NCOA6: variants seen among roughly 807,000 people sequenced by gnomAD.
NCOA6 encodes NRC RAP250.
In NCOA6, 49 loss-of-function variants were observed where a neutral mutation model predicts 171.4. The observed-to-expected ratio is 0.29, with a 90% confidence interval of 0.23 to 0.36. NCOA6 has a LOEUF of 0.36. NCOA6 is among the 10% of genes least tolerant of loss of function. The probability of loss-of-function intolerance (pLI) is 1.00; values close to 1 mark genes in which losing one functional copy is unlikely to be tolerated. For synonymous variants in NCOA6, 910 were observed against 927.5 expected (o/e 0.98, Z 0.34); for missense variants, 2,248 against 2,554.5 (o/e 0.88, Z 2.59).
At chr20:34,768,156 G>A (rs2077036104) in intron 5 of NCOA6, among the ~76,000 whole-genome samples, 1 of 152,122 alleles carries the variant, frequency 6.6e-6, no homozygotes, top group African/African-American at 2.4e-5. Flanking sequence ...AAAATAATGA[G>A]GGTAGAAAAT....
chr20:34,765,822 T>C lies in NCOA6; in HGVS notation c.514+2642A>G, dbSNP rs141519335. Reference sequence around the variant, plus strand: ...AACTTGAATTAAATGACTACTATAGTATCCCCACAAATCTTGGAATTCTAT... The same window carrying C: ...AACTTGAATTAAATGACTACTATAGCATCCCCACAAATCTTGGAATTCTAT... On this transcript the variant is annotated intron_variant, in intron 5 of 14. Transcript: ENST00000359003. Among the ~76,000 whole-genome samples, 3 of 152,248 alleles carry C rather than the reference T, an allele frequency of 2.0e-5. No homozygotes were observed. In the East Asian group the frequency reaches 5.8e-4, roughly 29 times the overall value.
Position 34,740,391 on chromosome 20 carries a change from TC to T in NCOA6, c.5864del (p.Gly1955AspfsTer10). ...TGCTGGGTAGAAGTTCTGGATGGGA[TC>T]CCACCTTCTCCTCCACTAGGCCACC... The part of the protein sequence containing the change: ...LAGGLVEEKV[G>X]SHPELLPSIA... On this transcript the variant is annotated frameshift_variant, in exon 11 of 15. Transcript: ENST00000359003. LOFTEE classifies it high-confidence loss of function. The T allele has an allele frequency of 6.2e-7, 1 of 1,614,140 alleles. No individual in the cohort carries two copies. Among genetic ancestry groups the T allele is most frequent in the Non-Finnish European group, 8.5e-7 (1 of 1,180,000 alleles).
At chr20:34,744,766 T>C (rs924196796) in intron 10 of NCOA6, among the ~76,000 whole-genome samples, 10 of 152,220 alleles carry the variant, frequency 6.6e-5, no homozygotes, top group Admixed American at 3.9e-4. Flanking sequence ...TTCGACTACA[T>C]AGTCAAATAC....
chr20:34,764,065 T>C, intron 5 of NCOA6, among the ~76,000 whole-genome samples: 1 of 106,706 alleles, frequency 9.4e-6, no homozygotes, highest in Non-Finnish European at 1.8e-5. Context: ...TCCCCATCCC[T>C]CTGCTTCCAA....
intron 1 of NCOA6, chr20:34,820,770 CAAAAAAAA>C (rs201915744): frequency 9.5e-5 from 5 of 52,538 alleles, no homozygotes; most frequent in African/African-American, 3.5e-4. Flanking sequence ...GACTTCATCT[CAAAAAAAA>C]AAAAAAAAAA....
At chr20:34,814,035 G>T (rs918544822) in intron 1 of NCOA6, among the ~76,000 whole-genome samples, 2 of 152,222 alleles carry the variant, frequency 1.3e-5, no homozygotes, top group Non-Finnish European at 2.9e-5. Flanking sequence ...CTACAATTTA[G>T]AATTGTAAAA....
intron 1 of NCOA6, among the ~76,000 whole-genome samples, chr20:34,805,043 C>CT (rs202086666): frequency 0.012 from 1,720 of 141,994 alleles, 20 homozygotes; most frequent in African/African-American, 0.028. Context: ...TTCTTATACC[C>CT]TTTTTTTTTT....
At chr20:34,793,079 A>G (rs544552916) in intron 1 of NCOA6, among the ~76,000 whole-genome samples, 30 of 152,146 alleles carry the variant, frequency 2.0e-4, no homozygotes, top group African/African-American at 7.2e-4. Context: ...CACTGCCCCC[A>G]GCCTTTTTTG....
At position 34,782,219 on chromosome 20, in the gene NCOA6, G is replaced by A; in HGVS notation, c.137C>T (p.Ser46Phe). The A allele has an allele frequency of 6.2e-7, 1 of 1,612,462 alleles. No individual in the cohort carries two copies. Among genetic ancestry groups the A allele is most frequent in the East Asian group, 2.2e-5 (1 of 44,742 alleles). The change falls in exon 3 of 15, where the codon TCC becomes TTC. Residue 46 changes from serine to phenylalanine, a missense_variant. Transcript: ENST00000359003. ...TCCTTTGAAGGCCACAAAAATTGTGGAATCCTCCAAAATACTATCACTTTT... is the reference window on the plus strand; with the variant it reads ...TCCTTTGAAGGCCACAAAAATTGTGAAATCCTCCAAAATACTATCACTTTT... The part of the protein sequence containing the change: ...DTKSDSILED[S>F]TIFVAFKGNI...
At chr20:34,793,991 C>G (rs1601060839) in intron 1 of NCOA6, among the ~76,000 whole-genome samples, 1 of 152,302 alleles carries the variant, frequency 6.6e-6, no homozygotes, top group East Asian at 1.9e-4. Flanking sequence ...AACAATTTTT[C>G]ACTCATCAGA....
At chr20:34,811,419 G>T (rs946686963) in intron 1 of NCOA6, among the ~76,000 whole-genome samples, 2 of 151,358 alleles carry the variant, frequency 1.3e-5, no homozygotes, top group African/African-American at 4.9e-5. Context: ...CCTCTCAGTT[G>T]GCTAATAATA....
At chr20:34,753,108 T>C (rs2076540653) in intron 8 of NCOA6, among the ~76,000 whole-genome samples, 1 of 150,692 alleles carries the variant, frequency 6.6e-6, no homozygotes, top group Admixed American at 6.6e-5. Flanking sequence ...AGTGGCGTGA[T>C]CTCAGCTCAC....
chr20:34,765,379 G>A (rs1376938928), intron 5 of NCOA6, among the ~76,000 whole-genome samples: 1 of 149,430 alleles, frequency 6.7e-6, no homozygotes, highest in Non-Finnish European at 1.5e-5. Flanking sequence ...AGCTTGCAGT[G>A]AGCCGAGCCG....
intron 8 of NCOA6, among the ~76,000 whole-genome samples, chr20:34,753,761 C>T (rs1023330370): frequency 2.6e-5 from 4 of 152,106 alleles, no homozygotes; most frequent in East Asian, 1.9e-4. Context: ...TTTGCACTAC[C>T]CTTCTGTTAC....
chr20:34,777,197 G>C (rs978202753), intron 3 of NCOA6, among the ~76,000 whole-genome samples: 1 of 151,282 alleles, frequency 6.6e-6, no homozygotes, highest in Non-Finnish European at 1.5e-5. Context: ...ATGAAAAAAT[G>C]CTTGACATAA....
intron 4 of NCOA6, among the ~76,000 whole-genome samples, chr20:34,771,450 G>T (rs1303608237): frequency 6.6e-6 from 1 of 152,152 alleles, no homozygotes; most frequent in Non-Finnish European, 1.5e-5. Context: ...AAGAATTATT[G>T]AGATATTTTA....
chr20:34,805,183 C>T (rs2078406489), intron 1 of NCOA6, among the ~76,000 whole-genome samples: 1 of 151,808 alleles, frequency 6.6e-6, no homozygotes, highest in South Asian at 2.1e-4. Flanking sequence ...GATTTTCAGG[C>T]GCGCACTACC....
chr20:34,749,283 T>G, intron 9 of NCOA6, 120 bp downstream of exon 9: 1 of 1,212,540 alleles, frequency 8.2e-7, no homozygotes, highest in Non-Finnish European at 1.1e-6. Context: ...TGATAATTAT[T>G]GAAGCAGGGG....
In NCOA6 at chr20:34,757,583, T is replaced by C. The variant is rs754849891; in HGVS notation, c.1165A>G (p.Asn389Asp). Residue 389 changes from asparagine to aspartate, a missense_variant, in exon 7 of 15, where the codon AAC becomes GAC. By Grantham distance (23) the Asn-to-Asp change is conservative. This residue lies in a region of NCOA6 where 987 missense variants were observed against 1,104.7 expected (regional missense o/e 0.89). Coordinates refer to ENST00000359003, the MANE Select transcript of NCOA6 (RefSeq NM_014071.5). ...CCTGGGTTGCTCATCTGAGGAAAGT[T>C]TGTGTGGGCTTGTGAGGCTTGCTGG... ...GSQQASQAHT[N>D]FPQMSNPGQF... 1.9e-6 allele frequency: 3 copies of C among 1,613,794 alleles called. No individual in the cohort carries two copies. Among genetic ancestry groups the C allele is most frequent in the Non-Finnish European group, 2.5e-6 (3 of 1,179,884 alleles).
Sources: allele counts gnomAD v4.1 joint callset (sites outside exome capture counted in the v4.1 genomes callset), GRCh38; gene constraint gnomAD v4.1.1; regional missense constraint gnomAD v4.1.1; transcripts MANE v1.5; gene names NCBI Gene and HGNC (gene_info 2026-07-23, HGNC 2026-07-21).